MSRA: variants seen among roughly 807,000 people sequenced by gnomAD.
MSRA encodes the protein mitochondrial peptide methionine sulfoxide reductase.
A neutral mutation model predicts 31.3 loss-of-function variants in MSRA; 54 were observed. The observed-to-expected ratio is 1.73, with a 90% CI of 1.39 to 2.17. The LOEUF (loss-of-function observed/expected upper bound fraction) is 2.17. MSRA is among the 30% of genes most tolerant of loss of function. MSRA has a pLI of 0.00. For synonymous variants in MSRA, 169 were observed against 116.5 expected (o/e 1.45, Z -2.90); for missense variants, 507 against 300.9 (o/e 1.69, Z -5.07).
chr8:10,204,387 C>G (rs1304078890), intron 1 of MSRA, among the ~76,000 whole-genome samples: 1 of 152,224 alleles, frequency 6.6e-6, no homozygotes, highest in African/African-American at 2.4e-5. Flanking sequence ...CCTGCAAGCT[C>G]CATTTGTCAT....
intron 2 of MSRA, among the ~76,000 whole-genome samples, chr8:10,229,830 T>G (rs1166083385): frequency 6.6e-6 from 1 of 152,132 alleles, no homozygotes; most frequent in Non-Finnish European, 1.5e-5. Flanking sequence ...AATCTAGGAA[T>G]TTGGAAGAGG....
At chr8:10,296,359 A>G (rs1464246411) in intron 3 of MSRA, among the ~76,000 whole-genome samples, 1 of 152,208 alleles carries the variant, frequency 6.6e-6, no homozygotes, top group African/African-American at 2.4e-5. Context: ...TAGCAATAAC[A>G]ATAGAAACCT....
chr8:10,152,338 A>G (rs1363272552), intron 1 of MSRA, among the ~76,000 whole-genome samples: 1 of 152,218 alleles, frequency 6.6e-6, no homozygotes, highest in East Asian at 1.9e-4. Context: ...TCTACTAGAG[A>G]AGGAGTTTGT....
intron 4 of MSRA, among the ~76,000 whole-genome samples, chr8:10,318,199 A>T (rs1801836333): frequency 6.6e-6 from 1 of 152,190 alleles, no homozygotes; most frequent in African/African-American, 2.4e-5. Context: ...AAATCGCAGG[A>T]TGGCCATTTA....
chr8:10,314,827 A>G (rs922335357), intron 4 of MSRA, among the ~76,000 whole-genome samples: 1 of 152,246 alleles, frequency 6.6e-6, no homozygotes, highest in Non-Finnish European at 1.5e-5. Context: ...GGACCTCATG[A>G]TCATAATTGT....
intron 1 of MSRA, among the ~76,000 whole-genome samples, chr8:10,196,388 C>G (rs1168740332): frequency 6.6e-6 from 1 of 152,062 alleles, no homozygotes; most frequent in Non-Finnish European, 1.5e-5. Context: ...TTAATTACAT[C>G]CACAATACCT....
rs190710210 is a variant in MSRA, at chr8:10,262,015, A to G, written c.331+16792A>G. Among the ~76,000 whole-genome samples, 13 of 152,278 alleles carry G rather than the reference A, an allele frequency of 8.5e-5. No homozygotes were observed. In the East Asian group the frequency reaches 2.1e-3, roughly 25 times the overall value. ...AGATAGGTCTTTTTCACTTAGCAGT[A>G]TGTATTTAACGGTACTCCATGTCTT... is the stretch of plus-strand genomic sequence containing the variant. On this transcript the variant is annotated intron_variant, in intron 3 of 5. Coordinates refer to ENST00000317173, the MANE Select transcript of MSRA (RefSeq NM_012331.5).
chr8:10,359,482 A>T (rs556659214), intron 5 of MSRA, among the ~76,000 whole-genome samples: 1 of 152,096 alleles, frequency 6.6e-6, no homozygotes, highest in Non-Finnish European at 1.5e-5. Context: ...TGCATATTTT[A>T]TAGTTTTTTG....
At chr8:10,385,905 C>A (rs188517656) in intron 5 of MSRA, among the ~76,000 whole-genome samples, 1 of 152,018 alleles carries the variant, frequency 6.6e-6, no homozygotes, top group East Asian at 1.9e-4. Context: ...ACCAAGAATA[C>A]GTCGTGACAG....
intron 5 of MSRA, among the ~76,000 whole-genome samples, chr8:10,328,250 C>T (rs1283837000): frequency 8.3e-6 from 1 of 120,786 alleles, no homozygotes; most frequent in Non-Finnish European, 1.7e-5. Context: ...TCCTCCCTCC[C>T]CCCTCCCCAC....
At chr8:10,178,843 G>A (rs1806292414) in intron 1 of MSRA, among the ~76,000 whole-genome samples, 1 of 152,140 alleles carries the variant, frequency 6.6e-6, no homozygotes, top group African/African-American at 2.4e-5. Flanking sequence ...GTTGTTTCCT[G>A]TGATTTGAGA....
chr8:10,103,607 CTAGT>C (rs1050098977), intron 1 of MSRA, among the ~76,000 whole-genome samples: 4 of 152,234 alleles, frequency 2.6e-5, no homozygotes, highest in African/African-American at 9.6e-5. Flanking sequence ...AGACAATTAT[CTAGT>C]TAGTTTCTCC....
chr8:10,170,878 T>A (rs936522320), intron 1 of MSRA, among the ~76,000 whole-genome samples: 8 of 152,262 alleles, frequency 5.3e-5, no homozygotes, highest in Non-Finnish European at 5.9e-5. Context: ...CTGCGAATAA[T>A]GATAGCTGAT....
intron 5 of MSRA, among the ~76,000 whole-genome samples, chr8:10,423,650 G>A (rs1484600412): frequency 1.3e-5 from 2 of 152,206 alleles, no homozygotes; most frequent in Admixed American, 1.3e-4. Context: ...GTGGATGACA[G>A]AGAGGCATTC....
At chr8:10,386,562 C>G (rs1659060042) in intron 5 of MSRA, among the ~76,000 whole-genome samples, 1 of 152,166 alleles carries the variant, frequency 6.6e-6, no homozygotes, top group South Asian at 2.1e-4. Flanking sequence ...GGTTCTCAAA[C>G]TTCAGCATGA....
chr8:10,259,065 C>G (rs1311019171), intron 3 of MSRA, among the ~76,000 whole-genome samples: 1 of 151,586 alleles, frequency 6.6e-6, no homozygotes, highest in African/African-American at 2.4e-5. Flanking sequence ...TGAGATCTTG[C>G]CACTGCACTC....
chr8:10,124,527 T>A (rs930471266), intron 1 of MSRA, among the ~76,000 whole-genome samples: 1 of 152,278 alleles, frequency 6.6e-6, no homozygotes, highest in Non-Finnish European at 1.5e-5. Flanking sequence ...GGTGCCATAA[T>A]TGGAGCTAGG....
chr8:10,253,747 G>GT (rs1798033813), intron 3 of MSRA, among the ~76,000 whole-genome samples: 2 of 37,524 alleles, frequency 5.3e-5, no homozygotes, highest in African/African-American at 1.0e-4. Flanking sequence ...ATAACCTTAT[G>GT]GGGGTCAGGG....
rs570440195 is a variant in MSRA at position 10,073,272 on chromosome 8, T to C, written c.142+18614T>C. On this transcript the variant is annotated intron_variant, in intron 1 of 5. Coordinates refer to ENST00000317173, the MANE Select transcript of MSRA (RefSeq NM_012331.5). The stretch of plus-strand genomic sequence containing the variant: ...TAGGCTTTTTTGCAGATGCTGTTTA[T>C]TGAGTTACGGTAGTTCCTCTTTATT... Among the ~76,000 whole-genome samples, 89 of 152,334 alleles carry C rather than the reference T, an allele frequency of 5.8e-4. 1 individual carries two copies. The highest frequency in any genetic ancestry group is 5.0e-3 in the South Asian group (24 of 4,824).
Sources: gnomAD v4.1 joint callset for allele counts (sites outside exome capture counted in the v4.1 genomes callset) on GRCh38, gnomAD v4.1.1 for gene constraint, MANE v1.5 for transcripts, NCBI Gene and HGNC (gene_info 2026-07-23, HGNC 2026-07-21) for gene names.